CCDC178: variants seen among roughly 807,000 people sequenced by gnomAD.
CCDC178 encodes coiled-coil domain containing 178.
Under a neutral mutation model 117.4 loss-of-function variants are expected in CCDC178, and 126 were observed. That is an observed-to-expected ratio of 1.07 (90% confidence interval 0.93 to 1.24). CCDC178 has a LOEUF of 1.24. Among genes scored for constraint, CCDC178 ranks in the 50% most tolerant of loss-of-function variants. CCDC178 has a pLI of 0.00. For synonymous variants in CCDC178, 283 were observed against 313.4 expected, an observed-to-expected ratio of 0.90 and a Z score of 1.02; for missense variants, 1,030 against 986.9, an observed-to-expected ratio of 1.04 and a Z score of -0.59.
chr18:33,179,541 G>T (rs1417608146), intron 20 of CCDC178, among the ~76,000 whole-genome samples: 1 of 151,784 alleles, frequency 6.6e-6, no homozygotes, highest in Non-Finnish European at 1.5e-5. Flanking sequence ...ATTTTAAAAA[G>T]AAATAGCAAA....
intron 12 of CCDC178, among the ~76,000 whole-genome samples, chr18:33,273,576 C>T (rs1008057052): frequency 6.6e-6 from 1 of 151,512 alleles, no homozygotes; most frequent in African/African-American, 2.4e-5. Flanking sequence ...ACATTAATTA[C>T]CAATTGATTT....
chr18:32,989,075 G>A (rs1274837168), intron 21 of CCDC178, among the ~76,000 whole-genome samples: 1 of 151,940 alleles, frequency 6.6e-6, no homozygotes, highest in African/African-American at 2.4e-5. Context: ...AACTCTTTCA[G>A]AAAATAGAAA....
chr18:33,256,022 T>G (rs377306044), intron 14 of CCDC178, among the ~76,000 whole-genome samples: 5 of 132,426 alleles, frequency 3.8e-5, no homozygotes, highest in Admixed American at 3.2e-4. Context: ...AATGGCCTCA[T>G]GTATTCAGGA....
In CCDC178 at chr18:33,215,546, T is replaced by G; in HGVS notation, c.2078+4A>C. The G allele has an allele frequency of 7.6e-7, 1 of 1,321,530 alleles. No homozygotes were observed. The highest frequency in any genetic ancestry group is 1.0e-6 in the Non-Finnish European group (1 of 984,368). 81.9% of individuals were successfully genotyped at this position (1,321,530 alleles called of 1,614,324 possible). A position where few individuals can be genotyped will look rare whatever the true frequency, so the allele number is the denominator to read the frequency against. ...TCATATTTTGATAAAGTTTAAGTAC[T>G]TACTTTAATATTTCAAGTGTCTGAT... On this transcript the variant is annotated splice_donor_region_variant and intron_variant, in intron 19 of 22. Coordinates refer to ENST00000383096, the MANE Select transcript of CCDC178 (RefSeq NM_001105528.4).
intron 11 of CCDC178, among the ~76,000 whole-genome samples, chr18:33,310,844 C>T (rs1310461323): frequency 6.6e-6 from 1 of 152,172 alleles, no homozygotes; most frequent in Non-Finnish European, 1.5e-5. Context: ...CCAGTGGCCT[C>T]TGCAGGCAAC....
At chr18:33,233,848 T>C (rs2059396266) in intron 15 of CCDC178, among the ~76,000 whole-genome samples, 1 of 152,102 alleles carries the variant, frequency 6.6e-6, no homozygotes, top group South Asian at 2.1e-4. Context: ...AGGATTTGAA[T>C]TAAGAAACAT....
chr18:33,351,998 T>C (rs994948391), intron 7 of CCDC178, among the ~76,000 whole-genome samples: 6 of 152,244 alleles, frequency 3.9e-5, no homozygotes, highest in African/African-American at 7.2e-5. Context: ...AGGACTGATG[T>C]TAATTCTTCT....
chr18:32,995,362 T>C (rs1429136504), intron 21 of CCDC178, among the ~76,000 whole-genome samples: 1 of 152,152 alleles, frequency 6.6e-6, no homozygotes, highest in East Asian at 1.9e-4. Flanking sequence ...AATTTAAAAA[T>C]ATAATTTTTT....
intron 21 of CCDC178, among the ~76,000 whole-genome samples, chr18:33,043,362 C>A (rs975560057): frequency 1.3e-5 from 2 of 151,978 alleles, no homozygotes; most frequent in Non-Finnish European, 2.9e-5. Flanking sequence ...CAAGTGACAG[C>A]CTAGCATAAT....
Position 33,224,811 on chromosome 18 carries a change from A to G in CCDC178, c.1782T>C (p.Ala594=), listed in dbSNP as rs1299673919. ...QEPLLQLEDE[A]ERIRSLDKEH... ...CTTTGTCGAGACTTCTGATTCTTTC[A>G]GCTTCATCTTCTAGTTGAAGCAGAG... Residue 594 remains alanine, a synonymous_variant, in exon 17 of 23, where the codon GCT becomes GCC. Transcript: ENST00000383096. 3 of 1,546,258 alleles carry G rather than the reference A, an allele frequency of 1.9e-6. No individual in the cohort carries two copies. The highest frequency in any genetic ancestry group is 2.6e-6 in the Non-Finnish European group (3 of 1,144,818).
At chr18:33,218,058 T>C (rs1373280355) in intron 18 of CCDC178, among the ~76,000 whole-genome samples, 1 of 152,092 alleles carries the variant, frequency 6.6e-6, no homozygotes, top group Non-Finnish European at 1.5e-5. Context: ...ATATCTATTA[T>C]TTTCTCTGTA....
At chr18:33,333,469 T>C (rs1483663406) in intron 9 of CCDC178, 75 bp from the exon 10 acceptor site, 5 of 626,670 alleles carry the variant, frequency 8.0e-6, no homozygotes, top group Admixed American at 3.5e-5. Flanking sequence ...TATAAAACAT[T>C]TTAATTTCAG....
intron 20 of CCDC178, among the ~76,000 whole-genome samples, chr18:33,150,157 ATGG>A (rs2058324534): frequency 3.9e-5 from 6 of 152,198 alleles, no homozygotes; most frequent in African/African-American, 1.4e-4. Flanking sequence ...CCTAGTCTAT[ATGG>A]TGCTGGGAAA....
At chr18:33,023,506 A>C (rs2056163716) in intron 21 of CCDC178, among the ~76,000 whole-genome samples, 1 of 152,176 alleles carries the variant, frequency 6.6e-6, no homozygotes, top group South Asian at 2.1e-4. Flanking sequence ...GGAGTTTAAA[A>C]AGTACATTGA....
At chr18:33,047,748 G>A (rs1308704243) in intron 21 of CCDC178, among the ~76,000 whole-genome samples, 1 of 152,118 alleles carries the variant, frequency 6.6e-6, no homozygotes, top group Non-Finnish European at 1.5e-5. Context: ...CTACAGTGAA[G>A]CCCTAATGCT....
intron 15 of CCDC178, among the ~76,000 whole-genome samples, chr18:33,231,885 C>T (rs997280906): frequency 4.6e-5 from 7 of 152,194 alleles, no homozygotes; most frequent in Non-Finnish European, 7.3e-5. Flanking sequence ...CTCTTCCATG[C>T]TTGTTCCTTC....
At chr18:33,091,460 CTGAG>C (rs2057464655) in intron 21 of CCDC178, among the ~76,000 whole-genome samples, 1 of 149,158 alleles carries the variant, frequency 6.7e-6, no homozygotes, top group Admixed American at 6.8e-5. Flanking sequence ...CCTCAGCCTC[CTGAG>C]TAACTGGGAC....
chr18:33,029,203 T>A (rs1452836391), intron 21 of CCDC178, among the ~76,000 whole-genome samples: 1 of 151,956 alleles, frequency 6.6e-6, no homozygotes, highest in African/African-American at 2.4e-5. Context: ...TTCTTATAAG[T>A]CTACTCATAT....
chr18:33,362,671 T>G (rs937063096), intron 6 of CCDC178, among the ~76,000 whole-genome samples: 2 of 151,986 alleles, frequency 1.3e-5, no homozygotes, highest in African/African-American at 4.8e-5. Flanking sequence ...TCTGTCTGTA[T>G]GTATCCCAAA....
Sources: allele counts gnomAD v4.1 joint callset (sites outside exome capture counted in the v4.1 genomes callset), GRCh38; gene constraint gnomAD v4.1.1; transcripts MANE v1.5; gene names NCBI Gene and HGNC (gene_info 2026-07-23, HGNC 2026-07-21).